CD44: variants seen among roughly 807,000 people sequenced by gnomAD.
CD44 encodes CD44 antigen.
CD44 carries 49 observed loss-of-function variants against 88.8 expected under a neutral mutation model. The ratio of observed to expected loss-of-function variants is 0.55; its 90% CI spans 0.44 to 0.70. The LOEUF (loss-of-function observed/expected upper bound fraction) is 0.70. Among genes scored for constraint, CD44 ranks in the 30% least tolerant of loss-of-function variants. The pLI is 0.00. For missense variants in CD44, 883 were observed against 913.8 expected (o/e 0.97, Z 0.43); for synonymous variants, 325 against 312.3 (o/e 1.04, Z -0.43).
chr11:35,166,391 G>C (rs910074150), intron 1 of CD44, among the ~76,000 whole-genome samples: 4 of 151,828 alleles, frequency 2.6e-5, no homozygotes, highest in African/African-American at 4.9e-5. Flanking sequence ...GACCAGGAGT[G>C]GGGGGTTAAA....
At chr11:35,218,453 C>T (rs530859801) in intron 15 of CD44, among the ~76,000 whole-genome samples, 102 of 152,094 alleles carry the variant, frequency 6.7e-4, no homozygotes, top group Non-Finnish European at 1.1e-3. Context: ...CTCAGCCTCC[C>T]GAGTAGCTGG....
chr11:35,187,505 ACT>A (rs1324805633), intron 4 of CD44, among the ~76,000 whole-genome samples: 2 of 152,196 alleles, frequency 1.3e-5, no homozygotes, highest in African/African-American at 4.8e-5. Flanking sequence ...TAAATGATCC[ACT>A]GTTTTCTAAT....
At position 35,196,850 on chromosome 11, in the gene CD44, C is replaced by A. The variant is rs777044521; in HGVS notation, c.772C>A (p.Leu258Ile). Residue 258 changes from leucine to isoleucine, a missense_variant, in exon 6 of 18, where the codon CTT becomes ATT. Around this residue, in one of 2 missense-constraint regions of CD44, gnomAD observed 631 missense variants for 590.9 expected, o/e 1.07. Coordinates refer to ENST00000428726, the MANE Select transcript of CD44 (RefSeq NM_000610.4). ...TCTACCATCAGAGTCAAAGAATCAT[C>A]TTCACACAACAACACAAATGGCTGG... is the stretch of plus-strand genomic sequence containing the variant. Reference protein sequence around the residue: ...LFLPSESKNHLHTTTQMAGTS... With the variant: ...LFLPSESKNHIHTTTQMAGTS... 6.2e-7 allele frequency: 1 copy of A among 1,613,646 alleles called. No homozygotes were observed. The highest frequency in any genetic ancestry group is 1.1e-5 in the South Asian group (1 of 91,040).
chr11:35,149,340 A>T (rs886935129), intron 1 of CD44, among the ~76,000 whole-genome samples: 1 of 152,234 alleles, frequency 6.6e-6, no homozygotes, highest in Non-Finnish European at 1.5e-5. Flanking sequence ...TCTGGCTTTG[A>T]TAAGAGTCAT....
chr11:35,210,194 G>A (rs1486608409), intron 13 of CD44, 140 bp downstream of exon 13: 1 of 523,568 alleles, frequency 1.9e-6, no homozygotes, highest in African/African-American at 2.0e-5. Flanking sequence ...GCGTCTGGTG[G>A]TGGTTCTCTG....
At position 35,230,462 on chromosome 11, in the gene CD44, GAGA is replaced by G. The variant is rs1950006995; in HGVS notation, c.*1135_*1137del. 1 of 152,288 alleles carries G rather than the reference GAGA, an allele frequency of 6.6e-6. No homozygotes were observed. Among genetic ancestry groups the G allele is most frequent in the Admixed American group, 6.5e-5 (1 of 15,300 alleles). 9.4% of individuals were successfully genotyped at this position (152,288 alleles called of 1,614,324 possible). On this transcript the variant is annotated 3_prime_UTR_variant, in exon 18 of 18. Transcript: ENST00000428726. ...AGTGCCTTTTGATGTCTTACAATAA[GAGA>G]AGAAGCCAATGGAAATGAAAGAGAT...
intron 1 of CD44, among the ~76,000 whole-genome samples, chr11:35,168,454 G>A (rs898851339): frequency 6.6e-6 from 1 of 152,196 alleles, no homozygotes; most frequent in African/African-American, 2.4e-5. Context: ...GAAATATTAG[G>A]TGTAAAGTGC....
At chr11:35,160,854 G>A (rs546059178) in intron 1 of CD44, among the ~76,000 whole-genome samples, 1 of 152,320 alleles carries the variant, frequency 6.6e-6, no homozygotes, top group Admixed American at 6.5e-5. Context: ...TTGGTTATAT[G>A]GGTTAGGACA....
intron 1 of CD44, among the ~76,000 whole-genome samples, chr11:35,159,315 CA>C (rs1451656796): frequency 6.6e-6 from 1 of 152,238 alleles, no homozygotes; most frequent in Non-Finnish European, 1.5e-5. Flanking sequence ...CTCCCAGCCA[CA>C]CCTCAGAAGT....
chr11:35,141,586 G>A (rs1380161371), intron 1 of CD44, among the ~76,000 whole-genome samples: 3 of 152,144 alleles, frequency 2.0e-5, no homozygotes, highest in African/African-American at 7.2e-5. Context: ...CTTCCAACCT[G>A]TCTCCCCGTT....
chr11:35,199,027 A>C (rs1203404933), intron 7 of CD44, among the ~76,000 whole-genome samples: 1 of 151,934 alleles, frequency 6.6e-6, no homozygotes, highest in African/African-American at 2.4e-5. Flanking sequence ...GGCTTAAATG[A>C]TGGGAGCTAG....
In CD44 at chr11:35,222,797, C is replaced by G. The variant is rs866062182; in HGVS notation, c.2024+1065C>G. 1.3e-5 allele frequency: 13 copies of G among 984,710 alleles called. No individual in the cohort carries two copies. In the African/African-American group the frequency reaches 1.8e-4, roughly 13 times the overall value. The allele number at this position is 984,710 out of a possible 1,614,324, so 61.0% of individuals were successfully genotyped here. The stretch of plus-strand genomic sequence containing the variant: ...AATATTAAGCCTTTTGTAAATGTCC[C>G]TTTAGATGGTTTCTCATAAGGTAAA... On this transcript the variant is annotated intron_variant, in intron 17 of 17. Transcript: ENST00000428726.
chr11:35,204,733 G>A, intron 10 of CD44, 93 bp downstream of exon 10: 1 of 1,117,632 alleles, frequency 8.9e-7, no homozygotes, highest in Non-Finnish European at 1.3e-6. Context: ...GACACTGGAG[G>A]AATTGTCACG....
chr11:35,204,196 C>T (rs1171124625), intron 9 of CD44, among the ~76,000 whole-genome samples: 2 of 152,120 alleles, frequency 1.3e-5, no homozygotes, highest in Non-Finnish European at 2.9e-5. Context: ...GTATGTGAAG[C>T]CATTCACTAC....
intron 15 of CD44, among the ~76,000 whole-genome samples, chr11:35,217,418 A>G (rs556932397): frequency 6.6e-6 from 1 of 151,448 alleles, no homozygotes; most frequent in Non-Finnish European, 1.5e-5. Context: ...ACGGCCAAAG[A>G]TCTTCAGTTT....
chr11:35,145,415 G>T (rs1201766159), intron 1 of CD44, among the ~76,000 whole-genome samples: 1 of 152,182 alleles, frequency 6.6e-6, no homozygotes, highest in African/African-American at 2.4e-5. Context: ...GGACAGGGCT[G>T]ACTTGGCTGG....
intron 5 of CD44, among the ~76,000 whole-genome samples, chr11:35,191,020 A>G (rs1402365775): frequency 6.6e-6 from 1 of 152,120 alleles, no homozygotes; most frequent in East Asian, 1.9e-4. Context: ...GGGCTCCCAG[A>G]TGGGCCATGT....
Position 35,211,462 on chromosome 11 carries a change from T to C in CD44, c.1810+13T>C, listed in dbSNP as rs1484312729. ...CGTTCCTTATCAGGTAATTTGGCAT[T>C]TATTATCTAGTTTGCTTTCTCTATA... On this transcript the variant is annotated intron_variant, in intron 14 of 17. Transcript: ENST00000428726. 5.0e-6 allele frequency: 8 copies of C among 1,600,912 alleles called. No individual in the cohort carries two copies. In the South Asian group the frequency reaches 7.7e-5, roughly 15 times the overall value.
At chr11:35,153,273 G>A (rs1941419595) in intron 1 of CD44, among the ~76,000 whole-genome samples, 1 of 152,180 alleles carries the variant, frequency 6.6e-6, no homozygotes, top group African/African-American at 2.4e-5. Context: ...AGTACAAAAT[G>A]AGAAGAAGAT....
Sources: allele counts gnomAD v4.1 joint callset (sites outside exome capture counted in the v4.1 genomes callset), GRCh38; gene constraint gnomAD v4.1.1; regional missense constraint gnomAD v4.1.1; transcripts MANE v1.5; gene names NCBI Gene and HGNC (gene_info 2026-07-23, HGNC 2026-07-21).